MARCHF1: variants seen among roughly 807,000 people sequenced by gnomAD.
The protein encoded by MARCHF1 is E3 ubiquitin-protein ligase MARCHF1.
Under a neutral mutation model 54.2 loss-of-function variants are expected in MARCHF1, and 40 were observed. The ratio of observed to expected loss-of-function variants is 0.74; its 90% CI spans 0.57 to 0.96. MARCHF1 has a LOEUF of 0.96. MARCHF1 is among the 40% of genes least tolerant of loss of function. The pLI, the probability that MARCHF1 is intolerant of heterozygous loss-of-function variation, is 0.00. For synonymous variants in MARCHF1, 236 were observed against 236.3 expected, an observed-to-expected ratio of 1.00 and a Z score of 0.01; for missense variants, 586 against 656.5, an observed-to-expected ratio of 0.89 and a Z score of 1.17.
intron 2 of MARCHF1, among the ~76,000 whole-genome samples, chr4:164,107,340 T>C (rs1238632077): frequency 1.3e-5 from 2 of 152,012 alleles, no homozygotes; most frequent in African/African-American, 4.8e-5. Flanking sequence ...AGATCTAAAA[T>C]AGGTTAGGGG....
intron 4 of MARCHF1, among the ~76,000 whole-genome samples, chr4:163,750,062 GTC>G (rs1746476246): frequency 7.1e-6 from 1 of 141,824 alleles, no homozygotes; most frequent in Non-Finnish European, 1.5e-5. Context: ...GAGTGAGACT[GTC>G]TTGAAAAAAA....
chr4:163,679,641 C>A (rs560370776), intron 5 of MARCHF1, among the ~76,000 whole-genome samples: 1 of 147,676 alleles, frequency 6.8e-6, no homozygotes, highest in Non-Finnish European at 1.5e-5. Flanking sequence ...GAGATGGAGT[C>A]TCGCTCTGTT....
intron 7 of MARCHF1, among the ~76,000 whole-genome samples, chr4:163,611,447 T>C (rs1741336622): frequency 6.6e-6 from 1 of 152,074 alleles, no homozygotes; most frequent in Non-Finnish European, 1.5e-5. Flanking sequence ...ACATAACAAG[T>C]ATTGCGCAGT....
intron 4 of MARCHF1, among the ~76,000 whole-genome samples, chr4:163,754,482 T>C (rs1746609235): frequency 2.6e-5 from 4 of 152,206 alleles, no homozygotes; most frequent in Admixed American, 2.6e-4. Context: ...TCAGATGGGA[T>C]CATATGTCAG....
At chr4:164,064,784 T>C (rs746418743) in intron 2 of MARCHF1, among the ~76,000 whole-genome samples, 6 of 152,210 alleles carry the variant, frequency 3.9e-5, no homozygotes, top group African/African-American at 7.2e-5. Context: ...GACTGTGAGT[T>C]TGTCATATAT....
intron 1 of MARCHF1, among the ~76,000 whole-genome samples, chr4:164,203,546 A>C (rs1348084621): frequency 6.6e-6 from 1 of 152,158 alleles, no homozygotes; most frequent in Non-Finnish European, 1.5e-5. Context: ...CACCTACATT[A>C]AGGAGGGTAA....
intron 2 of MARCHF1, among the ~76,000 whole-genome samples, chr4:164,002,667 A>G (rs913014756): frequency 1.3e-5 from 2 of 151,786 alleles, no homozygotes; most frequent in African/African-American, 4.8e-5. Context: ...GTGTTTGAAA[A>G]TTTTCTAAAA....
At chr4:163,830,100 T>A (rs1412218275) in intron 4 of MARCHF1, among the ~76,000 whole-genome samples, 2 of 152,102 alleles carry the variant, frequency 1.3e-5, no homozygotes, top group African/African-American at 2.4e-5. Context: ...GTTCAAAAAG[T>A]TCTGAAATAG....
At chr4:163,681,076 G>A (rs562654090) in intron 5 of MARCHF1, among the ~76,000 whole-genome samples, 2 of 151,614 alleles carry the variant, frequency 1.3e-5, no homozygotes, top group South Asian at 4.2e-4. Context: ...CTCATTAGAT[G>A]AATGCTAACC....
chr4:163,742,626 A>G (rs1231496580), intron 4 of MARCHF1, among the ~76,000 whole-genome samples: 1 of 149,544 alleles, frequency 6.7e-6, no homozygotes, highest in Non-Finnish European at 1.5e-5. Flanking sequence ...ACAGGTGCAC[A>G]CCACCATGCC....
At position 163,598,185 on chromosome 4, in the gene MARCHF1, A is replaced by T. The variant is rs1291494314; in HGVS notation, c.1011-12256T>A. Among the ~76,000 whole-genome samples, 3 of 152,174 alleles carry T rather than the reference A, an allele frequency of 2.0e-5. No homozygotes were observed. The East Asian group carries it at 5.8e-4, about 29-fold the overall frequency. On this transcript the variant is annotated intron_variant, in intron 7 of 9. Coordinates refer to ENST00000514618, the MANE Select transcript of MARCHF1 (RefSeq NM_001394959.1). Reference sequence around the variant, plus strand: ...CTTTACCCTGTCATCTGCCATTGAAAGGGGGTGTCTTCAACCGCATCATTT... The same window carrying T: ...CTTTACCCTGTCATCTGCCATTGAATGGGGGTGTCTTCAACCGCATCATTT...
intron 4 of MARCHF1, among the ~76,000 whole-genome samples, chr4:163,749,192 A>G (rs1378241132): frequency 6.7e-6 from 1 of 150,282 alleles, no homozygotes; most frequent in Non-Finnish European, 1.5e-5. Flanking sequence ...TCACGATTTC[A>G]TTTTAAGTTA....
rs562907488 is a variant in MARCHF1, at chr4:163,546,361, G to A, written c.1192-618C>T. On this transcript the variant is annotated intron_variant, in intron 8 of 9. Coordinates refer to ENST00000514618, the MANE Select transcript of MARCHF1 (RefSeq NM_001394959.1). ...AAATCAAGTCATTTCTGTTTTGCAA[G>A]TCTATAGTTTCCTCATCTGTACCAA... 1.6e-3 allele frequency among the ~76,000 whole-genome samples: 251 copies of A among 152,282 alleles called. 2 individuals carry two copies. Among genetic ancestry groups the A allele is most frequent in the Non-Finnish European group, 2.8e-3 (190 of 68,014 alleles).
intron 1 of MARCHF1, among the ~76,000 whole-genome samples, chr4:164,274,889 G>T (rs987381276): frequency 4.0e-5 from 6 of 150,634 alleles, no homozygotes; most frequent in African/African-American, 1.2e-4. Context: ...TGTTAGCCAG[G>T]ATGGTCTCGA....
chr4:164,062,114 C>T (rs1046921657), intron 2 of MARCHF1, among the ~76,000 whole-genome samples: 2 of 152,202 alleles, frequency 1.3e-5, no homozygotes, highest in African/African-American at 4.8e-5. Flanking sequence ...CAACAAGGTT[C>T]ATATTTTCAC....
chr4:164,141,280 G>A (rs1318082303), intron 1 of MARCHF1, among the ~76,000 whole-genome samples: 1 of 152,094 alleles, frequency 6.6e-6, no homozygotes, highest in Non-Finnish European at 1.5e-5. Context: ...GATCATCATG[G>A]GTCTCTGACA....
intron 2 of MARCHF1, among the ~76,000 whole-genome samples, chr4:164,053,381 AAT>A (rs144156764): frequency 0.13 from 19,258 of 152,162 alleles, 1,258 homozygotes; most frequent in East Asian, 0.21. Flanking sequence ...TTAGGAGTCT[AAT>A]ATTTCTCATT....
At chr4:163,718,725 G>C (rs1031874834) in intron 4 of MARCHF1, among the ~76,000 whole-genome samples, 1 of 151,890 alleles carries the variant, frequency 6.6e-6, no homozygotes, top group Non-Finnish European at 1.5e-5. Flanking sequence ...AGCCTATTTT[G>C]TTTTATAGCA....
intron 5 of MARCHF1, 42 bp from the exon 6 acceptor site, chr4:163,613,435 A>G: frequency 6.2e-7 from 1 of 1,613,176 alleles, no homozygotes; most frequent in Non-Finnish European, 8.5e-7. Flanking sequence ...TGGTTAAGGT[A>G]ATACATGGTT....
Sources: allele counts gnomAD v4.1 joint callset (sites outside exome capture counted in the v4.1 genomes callset), GRCh38; gene constraint gnomAD v4.1.1; transcripts MANE v1.5; gene names NCBI Gene and HGNC (gene_info 2026-07-23, HGNC 2026-07-21).